COL1A1: variants seen among roughly 807,000 people sequenced by gnomAD.
COL1A1 encodes collagen type I alpha 1 chain, also known as collagen alpha-1(I) chain.
COL1A1 carries 21 observed loss-of-function variants against 195.7 expected under a neutral mutation model. That is an observed-to-expected ratio of 0.11 (90% CI 0.08 to 0.15). The LOEUF (loss-of-function observed/expected upper bound fraction) is 0.15. COL1A1 is among the 10% of genes least tolerant of loss of function. The probability of loss-of-function intolerance (pLI) is 1.00; values close to 1 mark genes in which losing one functional copy is unlikely to be tolerated. For missense variants in COL1A1, 1,365 were observed against 2,051.0 expected (o/e 0.67, Z 6.46); for synonymous variants, 749 against 747.3 (o/e 1.00, Z -0.04).
intron 50 of COL1A1, 48 bp from the exon 51 acceptor site, chr17:50,185,696 G>C (rs1906443016): frequency 6.2e-7 from 1 of 1,612,118 alleles, no homozygotes; most frequent in Non-Finnish European, 8.5e-7. Context: ...ACGTGGGAGT[G>C]ATGGAGAGAG....
chr17:50,190,292 C>A lies in COL1A1; in HGVS notation c.2451+35G>T, dbSNP rs557402049. On this transcript the variant is annotated intron_variant, in intron 35 of 50. Coordinates refer to ENST00000225964, the MANE Select transcript of COL1A1 (RefSeq NM_000088.4). This position sits in a 1 kb window ranked among gnomAD's most constrained non-coding sequence, Gnocchi z 4.7. The stretch of plus-strand genomic sequence containing the variant: ...GTCCCTCGAGGTCCCAGGTCCCAGT[C>A]GGTGATGAAAAATGATGGGGGTCTT... 2.0e-6 allele frequency: 3 copies of A among 1,498,674 alleles called. No individual in the cohort carries two copies. In the African/African-American group the frequency reaches 4.2e-5, roughly 21 times the overall value. 92.8% of individuals were successfully genotyped at this position (1,498,674 alleles called of 1,614,324 possible).
chr17:50,187,942 T>C lies in COL1A1; in HGVS notation c.3303A>G (p.Glu1101=). 1 of 1,614,038 alleles carries C rather than the reference T, an allele frequency of 6.2e-7. No individual in the cohort carries two copies. The highest frequency in any genetic ancestry group is 8.5e-7 in the Non-Finnish European group (1 of 1,179,950). Residue 1101 remains glutamate, a synonymous_variant, in exon 45 of 51, where the codon GAA becomes GAG. Coordinates refer to ENST00000225964, the MANE Select transcript of COL1A1 (RefSeq NM_000088.4). ...GPRGDKGETG[E]QGDRGIKGHR... The stretch of plus-strand genomic sequence containing the variant: ...GACCCTTTATGCCTCTGTCGCCCTG[T>C]TCGCCTGTCTCACCCTTGTCACCAC...
Position 50,188,163 on chromosome 17 carries a change from G to A in COL1A1, c.3208-14C>T. ...ACCAGCAGGACCCTGGGGAGAGCAA[G>A]GAAAGCATGAGCTCTTGGCCAGGGA... is the stretch of plus-strand genomic sequence containing the variant. On this transcript the variant is annotated splice_polypyrimidine_tract_variant and intron_variant, in intron 43 of 50. Coordinates refer to ENST00000225964, the MANE Select transcript of COL1A1 (RefSeq NM_000088.4). The surrounding 1 kb of genome is among the most constrained non-coding windows in gnomAD (Gnocchi z 5.6). 1 of 1,547,336 alleles carries A rather than the reference G, an allele frequency of 6.5e-7. No homozygotes were observed. The highest frequency in any genetic ancestry group is 2.0e-5 in the Admixed American group (1 of 50,440).
intron 10 of COL1A1, 39 bp downstream of exon 10, chr17:50,197,141 T>C (rs1268027675): frequency 3.7e-6 from 6 of 1,613,862 alleles, no homozygotes; most frequent in Non-Finnish European, 4.2e-6. Context: ...GAAGCCCAAG[T>C]GCAGTGAAGC....
At position 50,196,083 on chromosome 17, in the gene COL1A1, T is replaced by C. The variant is rs1212415942; in HGVS notation, c.1002+72A>G. ...TTCAGACCAACATAACCTGCTCCCA[T>C]TGTCAGCCCCAAGAGCAGATACTGA... On this transcript the variant is annotated intron_variant, in intron 15 of 50. Coordinates refer to ENST00000225964, the MANE Select transcript of COL1A1 (RefSeq NM_000088.4). 26 of 1,609,996 alleles carry C rather than the reference T, an allele frequency of 1.6e-5. No homozygotes were observed. The Admixed American group carries it at 3.3e-4, about 21-fold the overall frequency.
Position 50,186,256 on chromosome 17 carries a change from C to T in COL1A1, c.4005+61G>A. The T allele has an allele frequency of 6.2e-7, 1 of 1,604,810 alleles. No homozygotes were observed. Among genetic ancestry groups the T allele is most frequent in the Non-Finnish European group, 8.5e-7 (1 of 1,174,774 alleles). ...AGAGACCTACTCCAGGACTTCATGT[C>T]CCTTCTGAGCACTGGGCTAGCCCAT... On this transcript the variant is annotated intron_variant, in intron 49 of 50. Coordinates refer to ENST00000225964, the MANE Select transcript of COL1A1 (RefSeq NM_000088.4). This position sits in a 1 kb window ranked among gnomAD's most constrained non-coding sequence, Gnocchi z 5.3.
intron 1 of COL1A1, 123 bp downstream of exon 1, chr17:50,201,288 A>G: frequency 1.1e-6 from 1 of 929,384 alleles, no homozygotes; most frequent in Admixed American, 2.0e-5. Flanking sequence ...AAGAGCCCTC[A>G]TCATCTCCCT....
At chr17:50,193,103 TG>T in intron 25 of COL1A1, 56 bp from the exon 26 acceptor site, 1 of 1,565,280 alleles carries the variant, frequency 6.4e-7, no homozygotes, top group Admixed American at 1.7e-5. Context: ...CAGGGCCTCC[TG>T]GGGCCTCTCA....
rs1416242912 is a variant in COL1A1, at chr17:50,184,175, A to G, written c.*1327T>C. On this transcript the variant is annotated 3_prime_UTR_variant, in exon 51 of 51. Transcript: ENST00000225964. The stretch of plus-strand genomic sequence containing the variant: ...CATCTCAAATTATTATACACATACA[A>G]AATAGGTACAGAGTCTTTTGCTTCC... The G allele has an allele frequency of 4.5e-6, 1 of 222,956 alleles. No individual in the cohort carries two copies. The highest frequency in any genetic ancestry group is 2.2e-5 in the African/African-American group (1 of 44,710). The allele number at this position is 222,956 out of a possible 1,614,324, so 13.8% of individuals were successfully genotyped here.
rs771990895 is a variant in COL1A1 at position 50,201,490 on chromosome 17, C to A, written c.24G>T (p.Arg8=). The A allele has an allele frequency of 6.2e-7, 1 of 1,612,342 alleles. No individual in the cohort carries two copies. The highest frequency in any genetic ancestry group is 1.1e-5 in the South Asian group (1 of 91,002). The change falls in exon 1 of 51, where the codon CGG becomes CGT. Residue 8 remains arginine (R), a synonymous_variant. Transcript: ENST00000225964. ...CGGTGGCCGCTAAGAGGAGCAGGAG[C>A]CGGAGGTCCACAAAGCTGAACATGT... MFSFVDL[R]LLLLLAATAL...
intron 11 of COL1A1, 123 bp from the exon 12 acceptor site, chr17:50,196,793 G>T: frequency 8.1e-7 from 1 of 1,230,646 alleles, no homozygotes; most frequent in South Asian, 1.2e-5. Context: ...TTCTGAGCTA[G>T]ACTAAACCCC....
Position 50,199,306 on chromosome 17 carries a change from G to C in COL1A1, c.391C>G (p.Arg131Gly). The change falls in exon 5 of 51, where the codon CGA (arginine) becomes GGA (glycine). Residue 131 changes from arginine (R) to glycine (G), a missense_variant. Around this residue, in one of 5 missense-constraint regions of COL1A1, gnomAD observed 194 missense variants for 221.7 expected, o/e 0.88. Coordinates refer to ENST00000225964, the MANE Select transcript of COL1A1 (RefSeq NM_000088.4). ...CCAGGCTGTCCAGGGATGCCATCTC[G>C]GCCAGGGGGGCCTGCGGGTCCCTGC... ...GPRGPAGPPGRDGIPGQPGLP... is the reference protein window; with the variant it reads ...GPRGPAGPPGGDGIPGQPGLP... 6.5e-7 allele frequency: 1 copy of C among 1,544,388 alleles called. No homozygotes were observed. Among genetic ancestry groups the C allele is most frequent in the Non-Finnish European group, 8.7e-7 (1 of 1,142,944 alleles).
Position 50,189,111 on chromosome 17 carries a change from A to C in COL1A1, c.2937+57T>G. Reference sequence around the variant, plus strand: ...AATCTGTTCTCCTTGGCTCCGCCCCACTCCAAGTCCTGTGATGGTTTTTCT... The same window carrying C: ...AATCTGTTCTCCTTGGCTCCGCCCCCCTCCAAGTCCTGTGATGGTTTTTCT... On this transcript the variant is annotated intron_variant, in intron 40 of 50. Transcript: ENST00000225964. The surrounding 1 kb of genome is among the most constrained non-coding windows in gnomAD (Gnocchi z 5.5). 2 of 1,595,990 alleles carry C rather than the reference A, an allele frequency of 1.3e-6. No individual in the cohort carries two copies. Among genetic ancestry groups the C allele is most frequent in the South Asian group, 2.2e-5 (2 of 90,606 alleles).
rs1039082917 is a variant in COL1A1 at position 50,189,082 on chromosome 17, A to G, written c.2938-72T>C. ...CCTTGAGTCCGCTGGAGTCATCTCT[A>G]CCAAATCTGTTCTCCTTGGCTCCGC... On this transcript the variant is annotated intron_variant, in intron 40 of 50. Transcript: ENST00000225964. This position sits in a 1 kb window ranked among gnomAD's most constrained non-coding sequence, Gnocchi z 5.5. 27 of 1,578,940 alleles carry G rather than the reference A, an allele frequency of 1.7e-5. No homozygotes were observed. The highest frequency in any genetic ancestry group is 2.2e-5 in the Non-Finnish European group (25 of 1,148,858).
In COL1A1 at chr17:50,195,800, G is replaced by C; in HGVS notation, c.1056+123C>G. The C allele has an allele frequency of 7.4e-7, 1 of 1,353,194 alleles. No homozygotes were observed. Among genetic ancestry groups the C allele is most frequent in the South Asian group, 1.2e-5 (1 of 80,618 alleles). 83.8% of individuals were successfully genotyped at this position (1,353,194 alleles called of 1,614,324 possible). On this transcript the variant is annotated intron_variant, in intron 16 of 50. Transcript: ENST00000225964. The surrounding 1 kb of genome is among the most constrained non-coding windows in gnomAD (Gnocchi z 4.3). ...CTAAGATCAGAGACGGAGAACCCAG[G>C]ACAAAGGTGTTAGTGAACGGGCTGC...
At chr17:50,196,088 A>G in intron 15 of COL1A1, 67 bp downstream of exon 15, 2 of 1,610,764 alleles carry the variant, frequency 1.2e-6, no homozygotes, top group Non-Finnish European at 1.7e-6. Context: ...TCCCATTGTC[A>G]GCCCCAAGAG....
rs778627822 is a variant in COL1A1 at position 50,188,658 on chromosome 17, A to G, written c.3100-21T>C. On this transcript the variant is annotated intron_variant, in intron 42 of 50. Transcript: ENST00000225964. The surrounding 1 kb of genome is among the most constrained non-coding windows in gnomAD (Gnocchi z 5.6). ...TCACCCTGGCGGGGAGAGCAGGGGA[A>G]TATGGGTCAGCCCCGGGTGAAGGGC... 6.2e-7 allele frequency: 1 copy of G among 1,613,138 alleles called. No homozygotes were observed. Among genetic ancestry groups the G allele is most frequent in the Non-Finnish European group, 8.5e-7 (1 of 1,179,426 alleles).
intron 6 of COL1A1, 40 bp downstream of exon 6, chr17:50,198,393 A>G (rs1274031498): frequency 3.1e-6 from 5 of 1,603,884 alleles, no homozygotes; most frequent in Non-Finnish European, 3.4e-6. Flanking sequence ...CTGGATACCC[A>G]TTCTCTCTTC....
rs750756697 is a variant in COL1A1, at chr17:50,195,613, C to T, written c.1109G>A (p.Arg370His). ...AGGGCCAGGGGGGCCAGGCTCACCA[C>T]GCACACCCTGGGGACCTTCAGAGCC... Reference protein sequence around the residue: ...PRGSEGPQGVRGEPGPPGPAG... With the variant: ...PRGSEGPQGVHGEPGPPGPAG... Residue 370 changes from arginine to histidine, a missense_variant, in exon 17 of 51, where the codon CGT becomes CAT. Arg to His is a conservative substitution (Grantham distance 29). Coordinates refer to ENST00000225964, the MANE Select transcript of COL1A1 (RefSeq NM_000088.4). This position sits in a 1 kb window ranked among gnomAD's most constrained non-coding sequence, Gnocchi z 4.3. 4.3e-5 allele frequency: 70 copies of T among 1,613,824 alleles called. No homozygotes were observed. Among genetic ancestry groups the T allele is most frequent in the South Asian group, 1.3e-4 (12 of 91,060 alleles).
Sources: allele counts gnomAD v4.1 joint callset, GRCh38; gene constraint gnomAD v4.1.1; regional missense constraint gnomAD v4.1.1; non-coding constraint Gnocchi (gnomAD v3.1); transcripts MANE v1.5; gene names NCBI Gene and HGNC (gene_info 2026-07-23, HGNC 2026-07-21).